The following RMST variants were observed in gnomAD, a reference collection of about 807,000 sequenced individuals.
The protein encoded by RMST is long intergenic non-protein coding RNA 54.
At chr12:97,530,538 C>T (rs950873854) in intron 10 of RMST, 7 of 151,968 alleles carry the variant, frequency 4.6e-5, no homozygotes, top group African/African-American at 1.7e-4. Flanking sequence ...ATGTGACAGT[C>T]GATGGCTGAG....
At chr12:97,549,080 C>T (rs1165358403) in intron 11 of RMST, among the ~76,000 whole-genome samples, 1 of 152,088 alleles carries the variant, frequency 6.6e-6, no homozygotes, top group African/African-American at 2.4e-5. Flanking sequence ...TTTCCTACTA[C>T]GCACCCTGGG....
At chr12:97,533,122 G>C (rs541395551) in intron 11 of RMST, 2 of 151,668 alleles carry the variant, frequency 1.3e-5, no homozygotes, top group South Asian at 4.2e-4. Context: ...AGATAATTGG[G>C]AGCATATAGG....
chr12:97,483,635 A>G (rs1190968491), intron 5 of RMST: 1 of 152,208 alleles, frequency 6.6e-6, no homozygotes, highest in Admixed American at 6.5e-5. Context: ...TGGAGGTGTT[A>G]TGACTTATAT....
At chr12:97,557,931 C>T (rs1234362000) in intron 11 of RMST, among the ~76,000 whole-genome samples, 1 of 152,080 alleles carries the variant, frequency 6.6e-6, no homozygotes, top group Non-Finnish European at 1.5e-5. Flanking sequence ...GCACAACTAT[C>T]TTCGACTTAT....
At chr12:97,559,386 C>A (rs1289045787) in intron 11 of RMST, among the ~76,000 whole-genome samples, 1 of 152,152 alleles carries the variant, frequency 6.6e-6, no homozygotes, top group Admixed American at 6.6e-5. Flanking sequence ...TAGTGGGGCA[C>A]CAGCCTGTGC....
At chr12:97,476,904 G>C (rs549805085) in intron 5 of RMST, among the ~76,000 whole-genome samples, 24 of 152,254 alleles carry the variant, frequency 1.6e-4, no homozygotes, top group Admixed American at 3.9e-4. Context: ...GAAAGGAATG[G>C]AGGAAAGAAT....
chr12:97,552,783 T>G (rs1993067), intron 11 of RMST, among the ~76,000 whole-genome samples: 121,548 of 152,144 alleles, frequency 0.8, 49,152 homozygotes, highest in Middle Eastern at 0.93. Context: ...CCCAGCTACT[T>G]GTATTTCTCC....
chr12:97,544,904 A>G (rs1189882306), intron 11 of RMST, among the ~76,000 whole-genome samples: 1 of 152,142 alleles, frequency 6.6e-6, no homozygotes, highest in Non-Finnish European at 1.5e-5. Flanking sequence ...ACAGAATAAG[A>G]TGATTCATGC....
intron 5 of RMST, among the ~76,000 whole-genome samples, chr12:97,472,294 G>T (rs1044963142): frequency 6.6e-6 from 1 of 152,110 alleles, no homozygotes; most frequent in Non-Finnish European, 1.5e-5. Flanking sequence ...TTACGTAATG[G>T]AAACGGGAGA....
At chr12:97,482,362 A>G (rs920327317) in intron 5 of RMST, among the ~76,000 whole-genome samples, 2 of 152,110 alleles carry the variant, frequency 1.3e-5, no homozygotes, top group Non-Finnish European at 2.9e-5. Flanking sequence ...GTAAAACTTT[A>G]TTGACACAAA....
chr12:97,500,188 C>T (rs1006778299), intron 10 of RMST, among the ~76,000 whole-genome samples: 3 of 152,184 alleles, frequency 2.0e-5, no homozygotes, highest in Admixed American at 6.5e-5. Context: ...GAATTTTCTC[C>T]GATGTAAATG....
intron 5 of RMST, among the ~76,000 whole-genome samples, chr12:97,480,212 C>T (rs1593141191): frequency 6.6e-6 from 1 of 151,798 alleles, no homozygotes; most frequent in East Asian, 1.9e-4. Context: ...GCCTCAGCCT[C>T]CCGAGTAGCT....
At chr12:97,492,250 G>T (rs1876925652) in intron 5 of RMST, among the ~76,000 whole-genome samples, 1 of 152,160 alleles carries the variant, frequency 6.6e-6, no homozygotes, top group Non-Finnish European at 1.5e-5. Flanking sequence ...GTTCGTGCAG[G>T]TTTATATCTG....
chr12:97,475,175 T>G (rs1399542951), intron 5 of RMST, among the ~76,000 whole-genome samples: 1 of 152,162 alleles, frequency 6.6e-6, no homozygotes, highest in African/African-American at 2.4e-5. Flanking sequence ...CTCAGGTGCA[T>G]GTTTACTTTT....
At chr12:97,468,025 A>G (rs1873402158) in intron 5 of RMST, among the ~76,000 whole-genome samples, 1 of 152,040 alleles carries the variant, frequency 6.6e-6, no homozygotes, top group Non-Finnish European at 1.5e-5. Flanking sequence ...AATTTATTAT[A>G]AAGAATGCAC....
intron 5 of RMST, among the ~76,000 whole-genome samples, chr12:97,471,553 C>T (rs1246970995): frequency 6.6e-6 from 1 of 152,096 alleles, no homozygotes; most frequent in East Asian, 1.9e-4. Flanking sequence ...GCTCCAAATG[C>T]TTATCACATG....
intron 13 of RMST, chr12:97,563,943 C>A (rs377055784): frequency 2.1e-6 from 1 of 479,394 alleles, no homozygotes; most frequent in Non-Finnish European, 4.4e-6. Context: ...GTATAGAGAA[C>A]GTTAGCCTGT....
At chr12:97,491,834 T>G in intron 5 of RMST, 1 of 477,826 alleles carries the variant, frequency 2.1e-6, no homozygotes, top group South Asian at 1.5e-5. Context: ...GTCATTTTCA[T>G]CAAATGTTCA....
chr12:97,551,358 T>C (rs1416083484), intron 11 of RMST, among the ~76,000 whole-genome samples: 1 of 152,078 alleles, frequency 6.6e-6, no homozygotes, highest in African/African-American at 2.4e-5. Flanking sequence ...TAGTGGCTCA[T>C]AGGAGAAGCA....
Sources: allele counts gnomAD v4.1 joint callset (sites outside exome capture counted in the v4.1 genomes callset), GRCh38; gene constraint gnomAD v4.1.1; transcripts MANE v1.5; gene names NCBI Gene and HGNC (gene_info 2026-07-23, HGNC 2026-07-21).